The following PKIB variants were observed in gnomAD, a reference collection of about 807,000 sequenced individuals.
The protein encoded by PKIB is PKI-beta.
PKIB carries 2 observed loss-of-function variants against 4.5 expected under a neutral mutation model. The observed-to-expected ratio is 0.44, with a 90% CI of 0.18 to 1.39. PKIB has a LOEUF of 1.39. Ranked by LOEUF, PKIB falls within the 40% of genes most tolerant of loss-of-function variation. The pLI is 0.27. For synonymous variants in PKIB, 38 were observed against 36.0 expected, an observed-to-expected ratio of 1.06 and a Z score of -0.20; for missense variants, 94 against 92.6, an observed-to-expected ratio of 1.02 and a Z score of -0.06.
intron 2 of PKIB, among the ~76,000 whole-genome samples, chr6:122,490,178 G>A (rs1048906943): frequency 6.6e-6 from 1 of 152,114 alleles, no homozygotes; most frequent in African/African-American, 2.4e-5. Flanking sequence ...CTCCAAAAAT[G>A]TTTTTCAAAC....
At chr6:122,682,763 A>T (rs1281034826) in intron 3 of PKIB, among the ~76,000 whole-genome samples, 1 of 152,160 alleles carries the variant, frequency 6.6e-6, no homozygotes, top group African/African-American at 2.4e-5. Context: ...TGAGCCTGCT[A>T]CAGTTCTCTC....
intron 3 of PKIB, among the ~76,000 whole-genome samples, chr6:122,591,005 G>A (rs73549373): frequency 6.6e-6 from 1 of 151,438 alleles, no homozygotes; most frequent in South Asian, 2.1e-4. Flanking sequence ...TATCTTTCAC[G>A]AGTTTTGCCT....
chr6:122,649,552 G>A lies in PKIB; in HGVS notation c.-76+16185G>A, dbSNP rs550467156. ...GCAGGAGTGGGGACCATGGGATTTG[G>A]GCCACTTCCTTATGTAGATTACTTG... is the stretch of plus-strand genomic sequence containing the variant. On this transcript the variant is annotated intron_variant, in intron 2 of 4. Transcript: ENST00000368452. Among the ~76,000 whole-genome samples the A allele has an allele frequency of 2.0e-5, 3 of 152,184 alleles. No homozygotes were observed. In the East Asian group the frequency reaches 5.8e-4, roughly 29 times the overall value.
chr6:122,539,689 G>A (rs1256732384), intron 2 of PKIB, among the ~76,000 whole-genome samples: 2 of 151,970 alleles, frequency 1.3e-5, no homozygotes, highest in African/African-American at 2.4e-5. Context: ...GATGATGCTG[G>A]CCTCATAAAA....
chr6:122,527,100 C>T lies in PKIB; in HGVS notation c.-248+49161C>T, dbSNP rs111310498. 5.0e-3 allele frequency among the ~76,000 whole-genome samples: 766 copies of T among 152,214 alleles called. 7 individuals are homozygous for T. Among genetic ancestry groups the T allele is most frequent in the African/African-American group, 0.017 (713 of 41,566 alleles). On this transcript the variant is annotated intron_variant, in intron 2 of 6. Coordinates refer to the PKIB transcript ENST00000392491. ...TGAACCAAACTCTACTAGCTCCCAG[C>T]TTTTCTTCTGCAGTTTCCTCACCTC...
intron 3 of PKIB, among the ~76,000 whole-genome samples, chr6:122,708,639 A>G (rs1779152246): frequency 1.3e-5 from 2 of 152,022 alleles, no homozygotes; most frequent in Admixed American, 6.6e-5. Context: ...CTCAGAGTTA[A>G]TCTCTTTTTC....
At chr6:122,508,819 C>T (rs1397967292) in intron 2 of PKIB, among the ~76,000 whole-genome samples, 2 of 151,950 alleles carry the variant, frequency 1.3e-5, no homozygotes, top group African/African-American at 2.4e-5. Flanking sequence ...AACGCCATCT[C>T]GACTCACTGC....
At chr6:122,709,505 A>C (rs747724767) in intron 3 of PKIB, among the ~76,000 whole-genome samples, 3 of 152,034 alleles carry the variant, frequency 2.0e-5, no homozygotes, top group Non-Finnish European at 4.4e-5. Flanking sequence ...TTAATTAAAA[A>C]CAGTTTACTA....
At chr6:122,527,078 A>G (rs1225619603) in intron 2 of PKIB, among the ~76,000 whole-genome samples, 1 of 152,112 alleles carries the variant, frequency 6.6e-6, no homozygotes, top group Non-Finnish European at 1.5e-5. Flanking sequence ...AACCTCATGA[A>G]CCAAACTCTA....
chr6:122,660,362 G>C (rs553242095), intron 2 of PKIB, among the ~76,000 whole-genome samples: 1 of 152,322 alleles, frequency 6.6e-6, no homozygotes, highest in South Asian at 2.1e-4. Context: ...ACCAAGGCAT[G>C]TAGGATTTCA....
chr6:122,602,007 CATTTTTTTTTTTTTTT>C (rs1774385134), intron 3 of PKIB, among the ~76,000 whole-genome samples: 1 of 128,760 alleles, frequency 7.8e-6, no homozygotes, highest in Admixed American at 7.7e-5. Context: ...CCTTTCCCTT[CATTTTTTTTTTTTTTT>C]ATAAATACAA....
chr6:122,572,609 G>GAA (rs571236526), intron 2 of PKIB, among the ~76,000 whole-genome samples: 11 of 90,446 alleles, frequency 1.2e-4, no homozygotes, highest in African/African-American at 3.6e-4. Context: ...GTAGCAGAAG[G>GAA]AAAAAAAAAA....
intron 2 of PKIB, among the ~76,000 whole-genome samples, chr6:122,529,166 G>A (rs577541140): frequency 1.3e-5 from 2 of 151,960 alleles, no homozygotes; most frequent in Non-Finnish European, 2.9e-5. Flanking sequence ...GTGTTTTGTT[G>A]ATCTTCTGTA....
intron 1 of PKIB, among the ~76,000 whole-genome samples, chr6:122,472,452 AC>A (rs1775330888): frequency 9.7e-6 from 1 of 102,806 alleles, no homozygotes; most frequent in Non-Finnish European, 2.1e-5. Flanking sequence ...TCAAACTCAA[AC>A]ATTGATTTCG....
At chr6:122,524,844 G>C (rs2114607179) in intron 2 of PKIB, among the ~76,000 whole-genome samples, 1 of 151,314 alleles carries the variant, frequency 6.6e-6, no homozygotes, top group South Asian at 2.1e-4. Context: ...TCTGATTTTA[G>C]TTGTCTTTCT....
intron 2 of PKIB, among the ~76,000 whole-genome samples, chr6:122,498,181 G>A (rs1448620138): frequency 6.6e-6 from 1 of 152,208 alleles, no homozygotes; most frequent in Non-Finnish European, 1.5e-5. Flanking sequence ...AAAGAAAGGT[G>A]TATTGGACTT....
At chr6:122,475,558 G>T (rs1775432373) in intron 1 of PKIB, among the ~76,000 whole-genome samples, 1 of 152,128 alleles carries the variant, frequency 6.6e-6, no homozygotes, top group African/African-American at 2.4e-5. Flanking sequence ...GCCTAAGGTG[G>T]GTGGATCACC....
chr6:122,501,313 C>T (rs113749421), intron 2 of PKIB, among the ~76,000 whole-genome samples: 1 of 152,172 alleles, frequency 6.6e-6, no homozygotes, highest in Non-Finnish European at 1.5e-5. Flanking sequence ...GGTAAATGCT[C>T]TCATTCCAAA....
chr6:122,623,729 A>C (rs1775326927), intron 1 of PKIB, among the ~76,000 whole-genome samples: 2 of 152,150 alleles, frequency 1.3e-5, no homozygotes, highest in Non-Finnish European at 2.9e-5. Context: ...ATATACACAA[A>C]TATGTTGAAG....
Sources: gnomAD v4.1 joint callset for allele counts (sites outside exome capture counted in the v4.1 genomes callset) on GRCh38, gnomAD v4.1.1 for gene constraint, MANE v1.5 for transcripts, NCBI Gene and HGNC (gene_info 2026-07-23, HGNC 2026-07-21) for gene names.